CLUAP1: variants seen among roughly 807,000 people sequenced by gnomAD.
CLUAP1 encodes intraflagellar transport 38.
In CLUAP1, 50 loss-of-function variants were observed where a neutral mutation model predicts 55.0. The ratio of observed to expected loss-of-function variants is 0.91; its 90% CI spans 0.72 to 1.15. The LOEUF (loss-of-function observed/expected upper bound fraction) is 1.15, where lower values mean the gene tolerates loss of function less well. Among genes scored for constraint, CLUAP1 ranks in the 50% most tolerant of loss-of-function variants. The pLI is 0.00. For synonymous variants in CLUAP1, 195 were observed against 175.4 expected (o/e 1.11, Z -0.88); for missense variants, 530 against 507.6 (o/e 1.04, Z -0.42).
chr16:3,503,367 G>A (rs1276805333), intron 1 of CLUAP1, among the ~76,000 whole-genome samples: 2 of 152,162 alleles, frequency 1.3e-5, no homozygotes, highest in Non-Finnish European at 2.9e-5. Flanking sequence ...GTTTCACCGT[G>A]TTAGCCAGGA....
At chr16:3,535,927 G>T in intron 11 of CLUAP1, 195 bp from the exon 12 acceptor site, 2 of 618,106 alleles carry the variant, frequency 3.2e-6, no homozygotes, top group Admixed American at 6.3e-5. Flanking sequence ...GAGGATTCTG[G>T]TTGGATGATA....
chr16:3,529,757 AAT>A (rs375113975), intron 9 of CLUAP1, among the ~76,000 whole-genome samples: 2,058 of 29,290 alleles, frequency 0.07, 134 homozygotes, highest in Non-Finnish European at 0.094. Flanking sequence ...TATATTATAT[AAT>A]ATATATTATA....
rs866824176 is a variant in CLUAP1 at position 3,520,012 on chromosome 16, G to A, written c.689G>A (p.Arg230Gln). ...TTAGAACTGGAAAGAAATCGGAAGC[G>A]ACTAGAGACTCTGCAGAGTGTCAGG... ...RKLELERNRK[R>Q]LETLQSVRPC... The change falls in exon 7 of 12, where the codon CGA (arginine) becomes CAA (glutamine). Residue 230 changes from arginine (R) to glutamine (Q), a missense_variant. Physicochemically the swap from Arg to Gln is conservative, Grantham distance 43. Coordinates refer to ENST00000576634, the MANE Select transcript of CLUAP1 (RefSeq NM_015041.3). 1.2e-5 allele frequency: 20 copies of A among 1,612,610 alleles called. No homozygotes were observed. The highest frequency in any genetic ancestry group is 1.6e-5 in the Non-Finnish European group (19 of 1,179,676).
In CLUAP1 at chr16:3,536,211, C is replaced by G. The variant is rs767029280; in HGVS notation, c.1182C>G (p.Thr394=). 2 of 1,614,134 alleles carry G rather than the reference C, an allele frequency of 1.2e-6. No homozygotes were observed. Among genetic ancestry groups the G allele is most frequent in the South Asian group, 2.2e-5 (2 of 91,074 alleles). ...ACGAGAGCATTTCTCTCTCACCAAC[C>G]AAGCCCAATCGAAGGGTCCGGAAAT... ...LEDESISLSP[T]KPNRRVRKSE... Residue 394 remains threonine (T), a synonymous_variant, in exon 12 of 12, where the codon ACC becomes ACG. Coordinates refer to ENST00000576634, the MANE Select transcript of CLUAP1 (RefSeq NM_015041.3).
chr16:3,524,157 C>G (rs1239973735), intron 8 of CLUAP1, among the ~76,000 whole-genome samples: 1 of 151,798 alleles, frequency 6.6e-6, no homozygotes, highest in Non-Finnish European at 1.5e-5. Context: ...AATAAATTAG[C>G]TGGACATGGT....
At chr16:3,523,335 C>G (rs1044697696) in intron 8 of CLUAP1, 36 bp downstream of exon 8, 7 of 1,579,118 alleles carry the variant, frequency 4.4e-6, no homozygotes, top group Non-Finnish European at 6.0e-6. Flanking sequence ...GCCATTCCTT[C>G]TGGTGTGTTA....
In CLUAP1 at chr16:3,537,406, C is replaced by G. The variant is rs1226233080; in HGVS notation, c.*1135C>G. 1 of 151,786 alleles carries G rather than the reference C, an allele frequency of 6.6e-6. No individual in the cohort carries two copies. Among genetic ancestry groups the G allele is most frequent in the African/African-American group, 2.4e-5 (1 of 41,288 alleles). 9.4% of individuals were successfully genotyped at this position (151,786 alleles called of 1,614,324 possible). ...GTACTTAGCTGGGAGTGGTGGCAAGCGCCCTTGGGTCCAGCTACTCAGGAG... is the reference window on the plus strand; with the variant it reads ...GTACTTAGCTGGGAGTGGTGGCAAGGGCCCTTGGGTCCAGCTACTCAGGAG... On this transcript the variant is annotated 3_prime_UTR_variant, in exon 12 of 12. Transcript: ENST00000576634.
Position 3,538,219 on chromosome 16 carries a change from C to T in CLUAP1, c.*1948C>T, listed in dbSNP as rs901248178. 4.6e-5 allele frequency: 7 copies of T among 151,370 alleles called. No individual in the cohort carries two copies. The highest frequency in any genetic ancestry group is 2.0e-4 in the Admixed American group (3 of 15,176). 9.4% of individuals were successfully genotyped at this position (151,370 alleles called of 1,614,324 possible). A position where few individuals can be genotyped will look rare whatever the true frequency, so the allele number is the denominator to read the frequency against. On this transcript the variant is annotated 3_prime_UTR_variant, in exon 12 of 12. Coordinates refer to ENST00000576634, the MANE Select transcript of CLUAP1 (RefSeq NM_015041.3). ...ATACTTATTCAGGAGTTCACAGGTACGAAAAGATACACATAAATTTTAGGA... is the reference window on the plus strand; with the variant it reads ...ATACTTATTCAGGAGTTCACAGGTATGAAAAGATACACATAAATTTTAGGA...
chr16:3,538,916 T>C lies in CLUAP1; in HGVS notation c.*2645T>C, dbSNP rs1596412500. 6.6e-6 allele frequency: 1 copy of C among 152,290 alleles called. No homozygotes were observed. The highest frequency in any genetic ancestry group is 1.9e-4 in the East Asian group (1 of 5,186). The allele number at this position is 152,290 out of a possible 1,614,324, so 9.4% of individuals were successfully genotyped here. Reference sequence around the variant, plus strand: ...GACCTCAGGACCTAACGAGGATGGTTGTGATTAGGTCAAATAGAAAACTAG... The same window carrying C: ...GACCTCAGGACCTAACGAGGATGGTCGTGATTAGGTCAAATAGAAAACTAG... On this transcript the variant is annotated 3_prime_UTR_variant, in exon 12 of 12. Transcript: ENST00000576634.
chr16:3,533,157 T>C, intron 11 of CLUAP1: 2 of 1,535,878 alleles, frequency 1.3e-6, no homozygotes, highest in Non-Finnish European at 1.7e-6. Context: ...AAGAAGCAGG[T>C]TGGTTTTCTG....
At chr16:3,533,031 T>C (rs2038159908) in intron 11 of CLUAP1, 190 bp downstream of exon 11, 1 of 1,453,634 alleles carries the variant, frequency 6.9e-7, no homozygotes, top group African/African-American at 1.4e-5. Context: ...CTCATCTCTT[T>C]TCAAGTGAAT....
the CLUAP1 span, chr16:3,495,540 G>A: frequency 1.6e-5 from 24 of 1,516,926 alleles, no homozygotes; most frequent in South Asian, 5.0e-5. Context: ...ATGACATCAC[G>A]GGGAAGACTC....
chr16:3,536,302 A>ATGGGAACTT lies in CLUAP1; in HGVS notation c.*31_*32insTGGGAACTT. 6.2e-7 allele frequency: 1 copy of ATGGGAACTT among 1,609,666 alleles called. No homozygotes were observed. Among genetic ancestry groups the ATGGGAACTT allele is most frequent in the South Asian group, 1.1e-5 (1 of 90,734 alleles). On this transcript the variant is annotated 3_prime_UTR_variant, in exon 12 of 12. Coordinates refer to ENST00000576634, the MANE Select transcript of CLUAP1 (RefSeq NM_015041.3). ...TTGCCAAGGGACCCTGGCAGATTAA[A>ATGGGAACTT]ACCCTCAGACTTGTAGGTAAATGGG...
chr16:3,516,511 T>G (rs2037732042), intron 6 of CLUAP1, among the ~76,000 whole-genome samples: 1 of 151,894 alleles, frequency 6.6e-6, no homozygotes, highest in Non-Finnish European at 1.5e-5. Context: ...ATGGCAAGGA[T>G]AATGGAGCCA....
chr16:3,536,318 G>A lies in CLUAP1; in HGVS notation c.*47G>A. On this transcript the variant is annotated 3_prime_UTR_variant, in exon 12 of 12. Transcript: ENST00000576634. ...GCAGATTAAAACCCTCAGACTTGTAGGTAAATGGGAACTTAGAAGGTTAGG... is the reference window on the plus strand; with the variant it reads ...GCAGATTAAAACCCTCAGACTTGTAAGTAAATGGGAACTTAGAAGGTTAGG... 6.3e-7 allele frequency: 1 copy of A among 1,591,228 alleles called. No individual in the cohort carries two copies. Among genetic ancestry groups the A allele is most frequent in the Non-Finnish European group, 8.6e-7 (1 of 1,166,322 alleles).
rs1020288375 is a variant in CLUAP1 at position 3,504,618 on chromosome 16, C to T, written c.23-102C>T. On this transcript the variant is annotated intron_variant, in intron 1 of 11. Transcript: ENST00000576634. The stretch of plus-strand genomic sequence containing the variant: ...GTTGACAAATAGTCCCTAAAGCTGT[C>T]AATAGGTTGGAAATAAGAAGGAAAA... The T allele has an allele frequency of 3.1e-5, 23 of 735,560 alleles. No homozygotes were observed. The Admixed American group carries it at 4.3e-4, about 14-fold the overall frequency. 45.6% of individuals were successfully genotyped at this position (735,560 alleles called of 1,614,324 possible).
In CLUAP1 at chr16:3,504,746, G is replaced by A. The variant is rs2037469867; in HGVS notation, c.49G>A (p.Gly17Arg). The A allele has an allele frequency of 1.2e-6, 2 of 1,610,666 alleles. No homozygotes were observed. Among genetic ancestry groups the A allele is most frequent in the African/African-American group, 1.3e-5 (1 of 74,810 alleles). ...TTTCACAGAGATGATGAGAGCCCTG[G>A]GATACCCTCGACATATTTCTATGGA... ...RNFTEMMRAL[G>R]YPRHISMENF... Residue 17 changes from glycine (G) to arginine (R), a missense_variant, in exon 2 of 12, where the codon GGA (glycine) becomes AGA (arginine). By Grantham distance (125) the Gly-to-Arg change is moderately radical (BLOSUM62 -2). Transcript: ENST00000576634.
At chr16:3,529,708 TTATATA>T (rs1223612430) in intron 9 of CLUAP1, among the ~76,000 whole-genome samples, 8 of 33,282 alleles carry the variant, frequency 2.4e-4, no homozygotes, top group Non-Finnish European at 3.1e-4. Flanking sequence ...ATATTATATA[TTATATA>T]ATATTATATA....
chr16:3,527,489 G>A lies in CLUAP1; in HGVS notation c.928+1005G>A, dbSNP rs554650115. ...CCAAGTGGACCGTGGTCTAGTGGTA[G>A]CGTCAGTGTCAAGGAAAAACACCTG... On this transcript the variant is annotated intron_variant, in intron 9 of 11. Transcript: ENST00000576634. Among the ~76,000 whole-genome samples, 3 of 152,242 alleles carry A rather than the reference G, an allele frequency of 2.0e-5. No individual in the cohort carries two copies. The South Asian group carries it at 6.2e-4, about 32-fold the overall frequency.
Sources: gnomAD v4.1 joint callset for allele counts (sites outside exome capture counted in the v4.1 genomes callset) on GRCh38, gnomAD v4.1.1 for gene constraint, MANE v1.5 for transcripts, NCBI Gene and HGNC (gene_info 2026-07-23, HGNC 2026-07-21) for gene names.